The following THUMPD2 variants were observed in gnomAD, a reference collection of about 807,000 sequenced individuals.
THUMPD2 encodes THUMP domain 2 tRNA and snRNA guanosine methyltransferase, also known as U6 snRNA (guanine-N(2))-methyltransferase THUMPD2.
In THUMPD2, 56 loss-of-function variants were observed where a neutral mutation model predicts 49.4. The ratio of observed to expected loss-of-function variants is 1.13; its 90% confidence interval spans 0.91 to 1.41. The LOEUF (loss-of-function observed/expected upper bound fraction) is 1.41. Among genes scored for constraint, THUMPD2 ranks in the 40% most tolerant of loss-of-function variants. The pLI is 0.00. For synonymous variants in THUMPD2, 237 were observed against 205.2 expected (o/e 1.15, Z -1.32); for missense variants, 709 against 594.5 (o/e 1.19, Z -2.00).
chr2:39,737,765 C>T (rs1190321117), intron 9 of THUMPD2, among the ~76,000 whole-genome samples: 3 of 152,076 alleles, frequency 2.0e-5, no homozygotes, highest in African/African-American at 4.8e-5. Flanking sequence ...AGTTAAAAGA[C>T]AAGTGGGAAT....
chr2:39,753,494 T>C (rs1675688369), intron 8 of THUMPD2, among the ~76,000 whole-genome samples: 1 of 152,208 alleles, frequency 6.6e-6, no homozygotes, highest in African/African-American at 2.4e-5. Context: ...ATGTTCTCTA[T>C]ACTGGTGATT....
chr2:39,737,197 G>T (rs1443237902), intron 9 of THUMPD2, 138 bp from the exon 10 acceptor site: 1 of 756,470 alleles, frequency 1.3e-6, no homozygotes, highest in Non-Finnish European at 2.1e-6. Context: ...TTGATAATTA[G>T]GTAGTATCTT....
chr2:39,755,830 T>C, intron 7 of THUMPD2, 59 bp downstream of exon 7: 2 of 1,366,548 alleles, frequency 1.5e-6, no homozygotes, highest in South Asian at 1.2e-5. Flanking sequence ...TTGGTGATTA[T>C]ACTACATATA....
At chr2:39,741,684 T>C (rs1673913170) in intron 9 of THUMPD2, among the ~76,000 whole-genome samples, 1 of 152,188 alleles carries the variant, frequency 6.6e-6, no homozygotes, top group South Asian at 2.1e-4. Flanking sequence ...AGAGTAATCA[T>C]TTATCTGACA....
chr2:39,771,525 A>G lies in THUMPD2; in HGVS notation c.242T>C (p.Ile81Thr), dbSNP rs775684341. 22 of 1,602,952 alleles carry G rather than the reference A, an allele frequency of 1.4e-5. No individual in the cohort carries two copies. Among genetic ancestry groups the G allele is most frequent in the Middle Eastern group, 1.7e-4 (1 of 6,042 alleles). Reference sequence around the variant, plus strand: ...CATACCTTTACTTACAGAAGAAATAATAAGTGGAAACTGCTTTTTAATCAG... The same window carrying G: ...CATACCTTTACTTACAGAAGAAATAGTAAGTGGAAACTGCTTTTTAATCAG... The part of the protein sequence containing the change: ...FLLIKKQFPL[I>T]ISSVSKGKIF... Residue 81 changes from isoleucine (I) to threonine (T), a missense_variant, in exon 2 of 10, where the codon ATT becomes ACT. By Grantham distance (89) the Ile-to-Thr change is moderately conservative. Transcript: ENST00000505747.
chr2:39,758,502 A>G (rs557349335), intron 6 of THUMPD2, among the ~76,000 whole-genome samples: 1 of 152,284 alleles, frequency 6.6e-6, no homozygotes, highest in Non-Finnish European at 1.5e-5. Flanking sequence ...TAGTGATTAG[A>G]GAACAGCAGT....
chr2:39,779,039 G>A, intron 1 of THUMPD2, 75 bp downstream of exon 1: 2 of 1,360,438 alleles, frequency 1.5e-6, no homozygotes, highest in East Asian at 3.1e-5. Flanking sequence ...GCTTTCCCGC[G>A]TCCACGACTG....
rs766951468 is a variant in THUMPD2 at position 39,736,699 on chromosome 2, A to G, written c.*36T>C. 28 of 1,573,284 alleles carry G rather than the reference A, an allele frequency of 1.8e-5. No homozygotes were observed. In the South Asian group the frequency reaches 3.1e-4, roughly 18 times the overall value. On this transcript the variant is annotated 3_prime_UTR_variant, in exon 10 of 10. Transcript: ENST00000505747. ...CAAACTTCTGCTGTACAGCTAACTT[A>G]CAAGGGCCTGAACCCGGCTGATGGC...
chr2:39,745,195 T>C (rs1007197153), intron 8 of THUMPD2, among the ~76,000 whole-genome samples: 20 of 152,190 alleles, frequency 1.3e-4, no homozygotes, highest in African/African-American at 4.8e-4. Context: ...ATAAGACAGA[T>C]GTCCCAATTT....
intron 9 of THUMPD2, among the ~76,000 whole-genome samples, chr2:39,740,041 T>C (rs1673695642): frequency 6.6e-6 from 1 of 152,198 alleles, no homozygotes; most frequent in Non-Finnish European, 1.5e-5. Context: ...GTACTTAATA[T>C]GTGCCAGGCA....
chr2:39,763,022 ATATCAG>A (rs970442842), intron 5 of THUMPD2, among the ~76,000 whole-genome samples: 15 of 152,196 alleles, frequency 9.9e-5, no homozygotes, highest in Admixed American at 6.5e-5. Flanking sequence ...GGGCCCCATT[ATATCAG>A]TATAACAAAA....
intron 3 of THUMPD2, 73 bp downstream of exon 3, chr2:39,769,637 G>C (rs776831011): frequency 6.4e-6 from 9 of 1,406,966 alleles, no homozygotes; most frequent in Middle Eastern, 2.1e-4. Context: ...GGGAGGTGGA[G>C]GTTGCAGTGA....
chr2:39,773,019 C>T (rs1678536972), intron 1 of THUMPD2, among the ~76,000 whole-genome samples: 1 of 152,078 alleles, frequency 6.6e-6, no homozygotes, highest in Non-Finnish European at 1.5e-5. Flanking sequence ...GAGGAACAGA[C>T]AATGACATTA....
chr2:39,774,941 C>A (rs1250311362), intron 1 of THUMPD2, among the ~76,000 whole-genome samples: 1 of 152,076 alleles, frequency 6.6e-6, no homozygotes. Context: ...AGCATTTTTC[C>A]TTTCTTTTAA....
chr2:39,764,643 G>A (rs2148309531), intron 5 of THUMPD2, among the ~76,000 whole-genome samples: 1 of 152,282 alleles, frequency 6.6e-6, no homozygotes, highest in South Asian at 2.1e-4. Flanking sequence ...TTCTTCTGTT[G>A]TTAGGGTCAC....
chr2:39,758,555 G>C (rs1377220204), intron 6 of THUMPD2, among the ~76,000 whole-genome samples: 1 of 152,202 alleles, frequency 6.6e-6, no homozygotes, highest in East Asian at 1.9e-4. Flanking sequence ...GAAGAGCTTG[G>C]TCTTCAGAGA....
chr2:39,755,475 C>A, intron 7 of THUMPD2, 66 bp from the exon 8 acceptor site: 1 of 1,066,698 alleles, frequency 9.4e-7, no homozygotes, highest in Non-Finnish European at 1.3e-6. Flanking sequence ...TTAAGAAAAT[C>A]GACTTGCATT....
At chr2:39,774,083 G>A (rs1449774516) in intron 1 of THUMPD2, among the ~76,000 whole-genome samples, 4 of 152,166 alleles carry the variant, frequency 2.6e-5, no homozygotes, top group African/African-American at 4.8e-5. Flanking sequence ...GTATGTTTAC[G>A]TGGTCCCAGT....
At chr2:39,764,033 G>A (rs987508827) in intron 5 of THUMPD2, among the ~76,000 whole-genome samples, 3 of 152,224 alleles carry the variant, frequency 2.0e-5, no homozygotes, top group Non-Finnish European at 4.4e-5. Flanking sequence ...TTCCTTGCCT[G>A]TAATACCCTT....
Sources: allele counts gnomAD v4.1 joint callset (sites outside exome capture counted in the v4.1 genomes callset), GRCh38; gene constraint gnomAD v4.1.1; transcripts MANE v1.5; gene names NCBI Gene and HGNC (gene_info 2026-07-23, HGNC 2026-07-21).